SUCLG2: variants seen among roughly 807,000 people sequenced by gnomAD.
SUCLG2 encodes the protein succinate-CoA ligase GDP-forming subunit beta.
A neutral mutation model predicts 47.9 loss-of-function variants in SUCLG2; 42 were observed. The ratio of observed to expected loss-of-function variants is 0.88; its 90% CI spans 0.69 to 1.14. SUCLG2 has a LOEUF of 1.14. SUCLG2 is among the 50% of genes most tolerant of loss of function. The pLI is 0.00. For missense variants in SUCLG2, 571 were observed against 525.9 expected (o/e 1.09, Z -0.84); for synonymous variants, 195 against 197.3 (o/e 0.99, Z 0.10).
intron 1 of SUCLG2, among the ~76,000 whole-genome samples, chr3:67,643,651 C>G (rs977455777): frequency 6.6e-6 from 1 of 152,184 alleles, no homozygotes; most frequent in Admixed American, 6.5e-5. Context: ...ACACATCTCA[C>G]TGTAATTGCC....
At chr3:67,456,371 T>C (rs1704186433) in intron 9 of SUCLG2, among the ~76,000 whole-genome samples, 1 of 152,248 alleles carries the variant, frequency 6.6e-6, no homozygotes, top group Admixed American at 6.5e-5. Flanking sequence ...GGTCCCTCTA[T>C]GGAGAAAATC....
chr3:67,480,907 C>T (rs1416317400), intron 9 of SUCLG2, among the ~76,000 whole-genome samples: 1 of 152,102 alleles, frequency 6.6e-6, no homozygotes, highest in African/African-American at 2.4e-5. Flanking sequence ...CCCAAAGAGA[C>T]AAGAGGAAGA....
At chr3:67,429,851 G>T (rs1703429695) in intron 9 of SUCLG2, among the ~76,000 whole-genome samples, 2 of 152,260 alleles carry the variant, frequency 1.3e-5, no homozygotes, top group Non-Finnish European at 2.9e-5. Flanking sequence ...AAGAGACAAA[G>T]AAGGCCATTA....
At chr3:67,612,663 G>A (rs188536737) in intron 1 of SUCLG2, among the ~76,000 whole-genome samples, 47 of 151,984 alleles carry the variant, frequency 3.1e-4, no homozygotes, top group Admixed American at 2.4e-3. Flanking sequence ...AAATATCCTC[G>A]GTCTTCTTCC....
intron 9 of SUCLG2, among the ~76,000 whole-genome samples, chr3:67,403,522 A>G (rs1702736336): frequency 1.1e-5 from 1 of 94,916 alleles, no homozygotes; most frequent in Admixed American, 1.4e-4. Flanking sequence ...AAGTATCATC[A>G]CTGTCCTCAG....
At chr3:67,455,118 A>G (rs62256386) in intron 9 of SUCLG2, among the ~76,000 whole-genome samples, 87,208 of 152,050 alleles carry the variant, frequency 0.57, 25,980 homozygotes, top group Middle Eastern at 0.67. Context: ...TGTAGTTCTT[A>G]GGGTCTATTT....
At chr3:67,472,977 C>T (rs1316571921) in intron 9 of SUCLG2, among the ~76,000 whole-genome samples, 1 of 151,832 alleles carries the variant, frequency 6.6e-6, no homozygotes, top group Non-Finnish European at 1.5e-5. Context: ...ATAAAATGGC[C>T]ACTAAAAATC....
chr3:67,602,846 A>G lies in SUCLG2; in HGVS notation c.226+6609T>C, dbSNP rs371285121. On this transcript the variant is annotated intron_variant, in intron 2 of 10. Coordinates refer to ENST00000307227, the MANE Select transcript of SUCLG2 (RefSeq NM_003848.4). Reference sequence around the variant, plus strand: ...GAGACCAGGTTCTTAGCAGCAAGCAACAGAAATTAACTCTAGCTCAAATAA... The same window carrying G: ...GAGACCAGGTTCTTAGCAGCAAGCAGCAGAAATTAACTCTAGCTCAAATAA... 3.9e-5 allele frequency among the ~76,000 whole-genome samples: 6 copies of G among 152,232 alleles called. No homozygotes were observed. The East Asian group carries it at 9.6e-4, about 24-fold the overall frequency.
At chr3:67,401,591 A>C (rs927007957) in intron 9 of SUCLG2, among the ~76,000 whole-genome samples, 11 of 145,572 alleles carry the variant, frequency 7.6e-5, no homozygotes, top group Admixed American at 2.1e-4. Flanking sequence ...AAAAAAAAAA[A>C]CAAACTCTAC....
At chr3:67,609,431 T>G (rs912482214) in intron 2 of SUCLG2, 24 bp downstream of exon 2, 8 of 1,604,468 alleles carry the variant, frequency 5.0e-6, no homozygotes, top group Middle Eastern at 2.2e-4. Flanking sequence ...GCAAGTGTAT[T>G]TCACCCATTA....
intron 9 of SUCLG2, among the ~76,000 whole-genome samples, chr3:67,464,841 A>AG (rs1704430679): frequency 6.6e-6 from 1 of 152,206 alleles, no homozygotes; most frequent in East Asian, 1.9e-4. Context: ...TCAGTCTTCA[A>AG]CTGGTTTGAA....
chr3:67,487,642 G>T (rs929953198), intron 9 of SUCLG2, among the ~76,000 whole-genome samples: 1 of 151,962 alleles, frequency 6.6e-6, no homozygotes, highest in Non-Finnish European at 1.5e-5. Context: ...AGAAGAAAAA[G>T]AATTTAAAAA....
At chr3:67,413,754 G>T (rs1424561186) in intron 9 of SUCLG2, among the ~76,000 whole-genome samples, 1 of 152,178 alleles carries the variant, frequency 6.6e-6, no homozygotes, top group African/African-American at 2.4e-5. Flanking sequence ...CAGTACCTAA[G>T]TCCACAACGT....
chr3:67,438,924 GAC>G (rs758841866), intron 9 of SUCLG2, among the ~76,000 whole-genome samples: 19 of 152,076 alleles, frequency 1.2e-4, no homozygotes, highest in Non-Finnish European at 1.5e-4. Context: ...ACCTGGAAGA[GAC>G]ACAATAAAAA....
intron 9 of SUCLG2, among the ~76,000 whole-genome samples, chr3:67,434,291 C>T (rs1331346966): frequency 6.6e-6 from 1 of 152,114 alleles, no homozygotes; most frequent in African/African-American, 2.4e-5. Flanking sequence ...TTCGTGAGGC[C>T]AAGGCGAGAG....
chr3:67,611,519 C>T (rs1398095780), intron 1 of SUCLG2, among the ~76,000 whole-genome samples: 1 of 152,002 alleles, frequency 6.6e-6, no homozygotes, highest in Non-Finnish European at 1.5e-5. Flanking sequence ...AGGCATTTAG[C>T]GAAAAAGCCC....
chr3:67,432,729 TTCTG>T (rs1040109318), intron 9 of SUCLG2, among the ~76,000 whole-genome samples: 1 of 152,216 alleles, frequency 6.6e-6, no homozygotes, highest in Non-Finnish European at 1.5e-5. Flanking sequence ...CATTTTACCT[TTCTG>T]TCTTTTATAT....
intron 9 of SUCLG2, among the ~76,000 whole-genome samples, chr3:67,466,874 T>C (rs958325022): frequency 1.3e-5 from 2 of 152,188 alleles, no homozygotes; most frequent in African/African-American, 2.4e-5. Flanking sequence ...TACAAAGATA[T>C]AACATGCTTT....
intron 1 of SUCLG2, 114 bp from the exon 2 acceptor site, chr3:67,609,710 T>C: frequency 2.0e-6 from 2 of 981,606 alleles, no homozygotes; most frequent in East Asian, 2.9e-5. Context: ...CAACCCAGAG[T>C]TGAGAGAAGC....
Sources: allele counts gnomAD v4.1 joint callset (sites outside exome capture counted in the v4.1 genomes callset), GRCh38; gene constraint gnomAD v4.1.1; transcripts MANE v1.5; gene names NCBI Gene and HGNC (gene_info 2026-07-23, HGNC 2026-07-21).